USP13: variants seen among roughly 807,000 people sequenced by gnomAD.
USP13 encodes ubiquitin carboxyl-terminal hydrolase 13.
A neutral mutation model predicts 107.8 loss-of-function variants in USP13; 68 were observed. The ratio of observed to expected loss-of-function variants is 0.63; its 90% CI spans 0.52 to 0.77. The LOEUF (loss-of-function observed/expected upper bound fraction) is 0.77. USP13 is among the 30% of genes least tolerant of loss of function. The pLI is 0.00. For synonymous variants in USP13, 377 were observed against 389.5 expected (o/e 0.97, Z 0.38); for missense variants, 945 against 1,093.3 (o/e 0.86, Z 1.91).
chr3:179,743,458 G>A (rs1188586809), intron 12 of USP13, among the ~76,000 whole-genome samples: 1 of 151,840 alleles, frequency 6.6e-6, no homozygotes, highest in African/African-American at 2.4e-5. Flanking sequence ...CTTGTGTGTG[G>A]GGGGTGGTGG....
chr3:179,743,458 G>GT (rs1714277588), intron 12 of USP13, among the ~76,000 whole-genome samples: 1 of 151,840 alleles, frequency 6.6e-6, no homozygotes, highest in East Asian at 1.9e-4. Context: ...CTTGTGTGTG[G>GT]GGGGTGGTGG....
chr3:179,756,978 C>A, intron 15 of USP13, 74 bp from the exon 16 acceptor site: 1 of 1,535,046 alleles, frequency 6.5e-7, no homozygotes, highest in Non-Finnish European at 9.0e-7. Flanking sequence ...TGCCCTGGAT[C>A]AATGGGTTTT....
At chr3:179,693,009 A>G (rs958175696) in intron 3 of USP13, among the ~76,000 whole-genome samples, 5 of 152,220 alleles carry the variant, frequency 3.3e-5, no homozygotes, top group Non-Finnish European at 7.3e-5. Context: ...CAAGGTGCAT[A>G]TAGAACTCAC....
chr3:179,751,863 G>A (rs975299827), intron 13 of USP13, among the ~76,000 whole-genome samples: 18 of 152,066 alleles, frequency 1.2e-4, no homozygotes, highest in Admixed American at 1.2e-3. Flanking sequence ...GGGGATTACA[G>A]GCGTGCCCCA....
intron 10 of USP13, among the ~76,000 whole-genome samples, chr3:179,735,858 C>A (rs560385077): frequency 6.6e-6 from 1 of 152,092 alleles, no homozygotes; most frequent in Non-Finnish European, 1.5e-5. Flanking sequence ...CACAGTAAGA[C>A]CCCTGTCTCT....
chr3:179,671,686 G>A (rs1363492899), intron 1 of USP13, among the ~76,000 whole-genome samples: 3 of 152,064 alleles, frequency 2.0e-5, no homozygotes, highest in African/African-American at 7.2e-5. Flanking sequence ...ATCTGTTCTT[G>A]GCCATTTGGG....
In USP13 at chr3:179,706,993, A is replaced by C; in HGVS notation, c.537A>C (p.Pro179=). ...AATCTCCATACAGAAAGCAGGACCCAGACACGTGGGAAAATGAATTGCCAG... is the reference window on the plus strand; with the variant it reads ...AATCTCCATACAGAAAGCAGGACCCCGACACGTGGGAAAATGAATTGCCAG... ...SSKSPYRKQD[P]DTWENELPVS... is the part of the protein sequence containing the mutation. The change falls in exon 5 of 21, where the codon CCA becomes CCC. Residue 179 remains proline, a synonymous_variant. Transcript: ENST00000263966. 1.2e-6 allele frequency: 2 copies of C among 1,614,192 alleles called. No homozygotes were observed. Among genetic ancestry groups the C allele is most frequent in the Non-Finnish European group, 8.5e-7 (1 of 1,180,026 alleles).
chr3:179,708,779 G>C lies in USP13; in HGVS notation c.627G>C (p.Trp209Cys). 6.2e-7 allele frequency: 1 copy of C among 1,614,186 alleles called. No individual in the cohort carries two copies. Among genetic ancestry groups the C allele is most frequent in the Middle Eastern group, 1.6e-4 (1 of 6,062 alleles). The part of the protein sequence containing the change: ...DNGVRIPPSG[W>C]KCARCDLREN... ...CTCTCCAATGGCTTTCCAGTGGTTG[G>C]AAGTGTGCCAGATGCGACCTGCGAG... is the stretch of plus-strand genomic sequence containing the variant. The change falls in exon 6 of 21, where the codon TGG becomes TGC. Residue 209 changes from tryptophan (W) to cysteine (C), a missense_variant. Coordinates refer to ENST00000263966, the MANE Select transcript of USP13 (RefSeq NM_003940.3).
intron 19 of USP13, among the ~76,000 whole-genome samples, chr3:179,772,437 T>C (rs1715369658): frequency 6.6e-6 from 1 of 152,346 alleles, no homozygotes; most frequent in South Asian, 2.1e-4. Context: ...ATGTCTCCGA[T>C]GCTGCTGAGA....
At chr3:179,711,463 T>G (rs1005571803) in intron 6 of USP13, among the ~76,000 whole-genome samples, 1 of 152,238 alleles carries the variant, frequency 6.6e-6, no homozygotes, top group African/African-American at 2.4e-5. Flanking sequence ...TCCACCCACC[T>G]CGGCCTCTCA....
At chr3:179,733,122 C>G (rs2108506427) in intron 10 of USP13, among the ~76,000 whole-genome samples, 1 of 152,204 alleles carries the variant, frequency 6.6e-6, no homozygotes, top group East Asian at 1.9e-4. Context: ...GACTCATGAC[C>G]TGACTGGGAC....
intron 17 of USP13, among the ~76,000 whole-genome samples, chr3:179,762,902 TTA>T (rs1715054256): frequency 6.6e-6 from 1 of 152,186 alleles, no homozygotes; most frequent in African/African-American, 2.4e-5. Flanking sequence ...CTAACCCTTA[TTA>T]TTATCTTTTT....
chr3:179,682,035 G>A, intron 2 of USP13, 32 bp downstream of exon 2: 3 of 1,601,506 alleles, frequency 1.9e-6, no homozygotes, highest in Non-Finnish European at 2.6e-6. Context: ...AACTGGCCTT[G>A]ATGTCTTCCC....
intron 16 of USP13, among the ~76,000 whole-genome samples, chr3:179,760,310 GTC>G (rs1714962689): frequency 7.0e-6 from 1 of 143,818 alleles, no homozygotes; most frequent in South Asian, 2.2e-4. Flanking sequence ...TTGAGACGGA[GTC>G]TCACTCTTTC....
intron 19 of USP13, among the ~76,000 whole-genome samples, chr3:179,774,561 T>TG: frequency 6.7e-6 from 1 of 148,952 alleles, no homozygotes; most frequent in East Asian, 1.9e-4. Flanking sequence ...TTCCTCCCTG[T>TG]GGGTTTGTGG....
In USP13 at chr3:179,784,192, C is replaced by CAA; in HGVS notation, c.*51_*52insAA. ...AGAAGCCATACGCCTTTTTAATTTG[C>CAA]CAAAAAAAAAAAGAAGAAGAAGAAG... On this transcript the variant is annotated 3_prime_UTR_variant, in exon 21 of 21. Transcript: ENST00000263966. 4.6e-6 allele frequency: 6 copies of CAA among 1,312,958 alleles called. No individual in the cohort carries two copies. Among genetic ancestry groups the CAA allele is most frequent in the Non-Finnish European group, 5.2e-6 (5 of 952,682 alleles). The allele number at this position is 1,312,958 out of a possible 1,614,324, so 81.3% of individuals were successfully genotyped here.
intron 1 of USP13, among the ~76,000 whole-genome samples, chr3:179,669,186 C>A (rs948839348): frequency 1.3e-5 from 2 of 152,202 alleles, no homozygotes. Flanking sequence ...CCTGGCTGGG[C>A]GCGGTGGCTC....
chr3:179,700,807 TAA>T (rs1391294411), intron 3 of USP13, among the ~76,000 whole-genome samples, 199 bp from the exon 4 acceptor site: 1 of 152,190 alleles, frequency 6.6e-6, no homozygotes, highest in Non-Finnish European at 1.5e-5. Context: ...CACTGATACA[TAA>T]GTATTCATAA....
At chr3:179,777,096 GGTTAATTTAAATAATA>G (rs1715568659) in intron 19 of USP13, among the ~76,000 whole-genome samples, 2 of 152,106 alleles carry the variant, frequency 1.3e-5, no homozygotes, top group South Asian at 4.2e-4. Context: ...TGATAAACAT[GGTTAATTTAAATAATA>G]GGACTAAGAT....
Sources: allele counts gnomAD v4.1 joint callset (sites outside exome capture counted in the v4.1 genomes callset), GRCh38; gene constraint gnomAD v4.1.1; transcripts MANE v1.5; gene names NCBI Gene and HGNC (gene_info 2026-07-23, HGNC 2026-07-21).